The following SLC13A4 variants were observed in gnomAD, a reference collection of about 807,000 sequenced individuals.
The protein encoded by SLC13A4 is solute carrier family 13 member 4, also known as Na(+)/sulfate cotransporter SUT-1.
Under a neutral mutation model 72.7 loss-of-function variants are expected in SLC13A4, and 28 were observed. That is an observed-to-expected ratio of 0.39 (90% CI 0.29 to 0.53). The LOEUF is 0.53. Ranked by LOEUF, SLC13A4 falls within the 20% of genes least tolerant of loss-of-function variation. The pLI, the probability that SLC13A4 is intolerant of heterozygous loss-of-function variation, is 0.78. For missense variants in SLC13A4, 653 were observed against 788.0 expected (o/e 0.83, Z 2.05); for synonymous variants, 312 against 325.5 (o/e 0.96, Z 0.45).
At chr7:135,691,796 C>T in intron 11 of SLC13A4, 151 bp from the exon 12 acceptor site, 1 of 590,162 alleles carries the variant, frequency 1.7e-6, no homozygotes, top group Non-Finnish European at 3.0e-6. Context: ...TGCTGCCACG[C>T]TATCCACTTT....
chr7:135,713,717 A>G (rs1346435815), intron 2 of SLC13A4, among the ~76,000 whole-genome samples: 1 of 152,142 alleles, frequency 6.6e-6, no homozygotes, highest in African/African-American at 2.4e-5. Flanking sequence ...AGCTATGACT[A>G]CAGGCACCCA....
At chr7:135,697,327 C>T (rs1795925231) in intron 8 of SLC13A4, among the ~76,000 whole-genome samples, 4 of 152,334 alleles carry the variant, frequency 2.6e-5, no homozygotes, top group Admixed American at 1.3e-4. Context: ...CTTTTTCCAA[C>T]ACCCCATACT....
At chr7:135,705,544 C>G in intron 5 of SLC13A4, 52 bp downstream of exon 5, 1 of 1,561,510 alleles carries the variant, frequency 6.4e-7, no homozygotes, top group Non-Finnish European at 8.8e-7. Flanking sequence ...CTTTTCTGAC[C>G]TCCCCTATGG....
intron 2 of SLC13A4, among the ~76,000 whole-genome samples, chr7:135,720,451 T>A (rs1453319530): frequency 6.6e-6 from 1 of 151,420 alleles, no homozygotes; most frequent in Non-Finnish European, 1.5e-5. Flanking sequence ...TCTGATAGAG[T>A]GCCTGGCGCT....
intron 2 of SLC13A4, 101 bp downstream of exon 2, chr7:135,721,294 C>T: frequency 7.1e-7 from 1 of 1,403,074 alleles, no homozygotes; most frequent in South Asian, 1.3e-5. Flanking sequence ...TGACAAGGCC[C>T]CCTCATCGTC....
At chr7:135,691,467 T>A in intron 12 of SLC13A4, 81 bp downstream of exon 12, 1 of 1,490,514 alleles carries the variant, frequency 6.7e-7, no homozygotes, top group South Asian at 1.1e-5. Context: ...CTGAAGGACC[T>A]TGGTAAATCT....
Position 135,705,654 on chromosome 7 carries a change from T to C in SLC13A4, c.539-4A>G, listed in dbSNP as rs1796144016. On this transcript the variant is annotated splice_region_variant and splice_polypyrimidine_tract_variant and intron_variant, in intron 4 of 15. Transcript: ENST00000682651. ...TGGCTGTTCTTTACATCCAGACCTATGAGTAGCAAAGAAAAGCAGTATGTG... is the reference window on the plus strand; with the variant it reads ...TGGCTGTTCTTTACATCCAGACCTACGAGTAGCAAAGAAAAGCAGTATGTG... 9 of 1,613,728 alleles carry C rather than the reference T, an allele frequency of 5.6e-6. No individual in the cohort carries two copies. Among genetic ancestry groups the C allele is most frequent in the Non-Finnish European group, 7.6e-6 (9 of 1,179,684 alleles).
intron 5 of SLC13A4, chr7:135,703,394 A>G (rs13307412): frequency 0.23 from 36,939 of 158,008 alleles, 4,739 homozygotes; most frequent in East Asian, 0.44. Flanking sequence ...GTTCTCACTG[A>G]CTGACTCTGG....
intron 2 of SLC13A4, among the ~76,000 whole-genome samples, chr7:135,717,199 C>A (rs1020866893): frequency 3.9e-5 from 6 of 152,210 alleles, no homozygotes; most frequent in African/African-American, 1.4e-4. Flanking sequence ...GTTCACCCAG[C>A]CCTCAAGTTA....
chr7:135,726,992 T>C (rs954302013), intron 1 of SLC13A4, among the ~76,000 whole-genome samples: 1 of 152,198 alleles, frequency 6.6e-6, no homozygotes, highest in Non-Finnish European at 1.5e-5. Flanking sequence ...TTGGGAGCTC[T>C]TTCTGTGTCT....
chr7:135,687,259 T>C (rs1795651301), intron 13 of SLC13A4, among the ~76,000 whole-genome samples: 1 of 152,198 alleles, frequency 6.6e-6, no homozygotes, highest in Non-Finnish European at 1.5e-5. Flanking sequence ...GCTCTGCCTT[T>C]TCCCATGGTA....
At chr7:135,722,096 T>A (rs1796561342) in intron 1 of SLC13A4, among the ~76,000 whole-genome samples, 1 of 151,818 alleles carries the variant, frequency 6.6e-6, no homozygotes, top group African/African-American at 2.4e-5. Context: ...AAATATAAAT[T>A]AGCCAGGTGT....
chr7:135,728,091 G>C lies in SLC13A4; in HGVS notation c.-595C>G, dbSNP rs1320744050. ...CGGACTTCAGGTGGGGCTGCTGGTC[G>C]CTCCCAGGACGTGGTACCTTAACTC... On this transcript the variant is annotated 5_prime_UTR_variant, in exon 1 of 16. Coordinates refer to ENST00000682651, the MANE Select transcript of SLC13A4 (RefSeq NM_001318192.2). 6.6e-6 allele frequency: 1 copy of C among 152,106 alleles called. No individual in the cohort carries two copies. The highest frequency in any genetic ancestry group is 1.5e-5 in the Non-Finnish European group (1 of 68,072). 9.4% of individuals were successfully genotyped at this position (152,106 alleles called of 1,614,324 possible).
At chr7:135,690,845 A>G (rs185801506) in intron 13 of SLC13A4, among the ~76,000 whole-genome samples, 134 of 152,278 alleles carry the variant, frequency 8.8e-4, no homozygotes, top group Middle Eastern at 3.4e-3. Context: ...TTAGGTAAAG[A>G]TGCTGGAAAA....
chr7:135,684,159 CG>C lies in SLC13A4; in HGVS notation c.1710del (p.Ile570MetfsTer14). On this transcript the variant is annotated frameshift_variant, in exon 15 of 16. Transcript: ENST00000682651. LOFTEE classifies it high-confidence loss of function. ...MLPVGNPPNA[I>X]VFSYGHCQIK... ...ATCTGGCAGTGCCCATAGCTGAAGACGATGGCATTAGGGGGATTGCCCACAG... is the reference window on the plus strand; with the variant it reads ...ATCTGGCAGTGCCCATAGCTGAAGACATGGCATTAGGGGGATTGCCCACAG... 1 of 1,612,240 alleles carries C rather than the reference CG, an allele frequency of 6.2e-7. No individual in the cohort carries two copies. Among genetic ancestry groups the C allele is most frequent in the Non-Finnish European group, 8.5e-7 (1 of 1,178,960 alleles).
At chr7:135,726,239 A>G (rs1336543786) in intron 1 of SLC13A4, among the ~76,000 whole-genome samples, 1 of 152,184 alleles carries the variant, frequency 6.6e-6, no homozygotes, top group East Asian at 1.9e-4. Flanking sequence ...AAAGCAGAAA[A>G]TTGACTAGGG....
chr7:135,708,324 G>A (rs1796216470), intron 2 of SLC13A4, 74 bp from the exon 3 acceptor site: 1 of 1,585,190 alleles, frequency 6.3e-7, no homozygotes, highest in Non-Finnish European at 8.6e-7. Context: ...TGGGAGAATG[G>A]GCCATACCCA....
chr7:135,706,780 C>T (rs935344170), intron 3 of SLC13A4, among the ~76,000 whole-genome samples: 2 of 152,240 alleles, frequency 1.3e-5, no homozygotes, highest in African/African-American at 4.8e-5. Flanking sequence ...ATGTTTGGAG[C>T]TCACAGTTCC....
rs959583121 is a variant in SLC13A4 at position 135,708,268 on chromosome 7, A to G, written c.229-18T>C. 3 of 1,613,854 alleles carry G rather than the reference A, an allele frequency of 1.9e-6. No individual in the cohort carries two copies. In the Admixed American group the frequency reaches 5.0e-5, roughly 27 times the overall value. On this transcript the variant is annotated intron_variant, in intron 2 of 15. Transcript: ENST00000682651. ...GCCGCCACCTGTAGGGAGGCCAGGC[A>G]TGTCAGTCACCCTCCCGGACCAAAG...
Sources: allele counts gnomAD v4.1 joint callset (sites outside exome capture counted in the v4.1 genomes callset), GRCh38; gene constraint gnomAD v4.1.1; transcripts MANE v1.5; gene names NCBI Gene and HGNC (gene_info 2026-07-23, HGNC 2026-07-21).